The following VAT1L variants were observed in gnomAD, a reference collection of about 807,000 sequenced individuals.
VAT1L encodes the protein vesicle amine transport 1 like.
A neutral mutation model predicts 44.1 loss-of-function variants in VAT1L; 34 were observed. The ratio of observed to expected loss-of-function variants is 0.77; its 90% CI spans 0.59 to 1.03. The LOEUF is 1.03. Ranked by LOEUF, VAT1L falls within the 50% of genes least tolerant of loss-of-function variation. The pLI is 0.00. For missense variants in VAT1L, 615 were observed against 538.8 expected (o/e 1.14, Z -1.40); for synonymous variants, 253 against 202.2 (o/e 1.25, Z -2.13).
intron 7 of VAT1L, among the ~76,000 whole-genome samples, chr16:77,950,695 T>A (rs945595056): frequency 6.6e-6 from 1 of 152,204 alleles, no homozygotes; most frequent in Non-Finnish European, 1.5e-5. Flanking sequence ...TGCTCCAGTT[T>A]TTTGCTTTTA....
intron 1 of VAT1L, among the ~76,000 whole-genome samples, chr16:77,812,300 T>C (rs1484834797): frequency 6.6e-6 from 1 of 152,146 alleles, no homozygotes; most frequent in East Asian, 1.9e-4. Flanking sequence ...CTCGAACTCC[T>C]GACCTCAGGT....
intron 3 of VAT1L, among the ~76,000 whole-genome samples, chr16:77,844,234 T>A (rs900923032): frequency 2.0e-5 from 3 of 152,186 alleles, no homozygotes; most frequent in Non-Finnish European, 4.4e-5. Context: ...CTTGCATCTG[T>A]ACTAAACAGG....
intron 4 of VAT1L, among the ~76,000 whole-genome samples, chr16:77,872,279 C>T (rs565036515): frequency 1.3e-5 from 2 of 152,278 alleles, no homozygotes; most frequent in South Asian, 4.1e-4. Context: ...ATTGTGATAG[C>T]CATTCTTAGG....
At chr16:77,926,038 G>T (rs2017663133) in intron 7 of VAT1L, among the ~76,000 whole-genome samples, 2 of 148,726 alleles carry the variant, frequency 1.3e-5, no homozygotes, top group African/African-American at 5.0e-5. Context: ...CGAGGCGGGT[G>T]GGTCACGAGG....
chr16:77,831,417 T>G (rs925305026), intron 3 of VAT1L, among the ~76,000 whole-genome samples: 1 of 152,198 alleles, frequency 6.6e-6, no homozygotes, highest in Non-Finnish European at 1.5e-5. Flanking sequence ...GAATTACTCC[T>G]GGCCAAATAT....
intron 7 of VAT1L, among the ~76,000 whole-genome samples, chr16:77,931,236 T>A (rs1484687055): frequency 6.6e-6 from 1 of 152,216 alleles, no homozygotes; most frequent in East Asian, 1.9e-4. Context: ...CCTAGCTTTA[T>A]ATAAAATGAC....
intron 1 of VAT1L, among the ~76,000 whole-genome samples, chr16:77,815,788 C>G (rs12925713): frequency 1.3e-5 from 2 of 149,720 alleles, no homozygotes; most frequent in Non-Finnish European, 3.0e-5. Flanking sequence ...GCCAACATGG[C>G]GAAACCCCAT....
intron 1 of VAT1L, among the ~76,000 whole-genome samples, chr16:77,798,047 A>G (rs1316460094): frequency 6.6e-6 from 1 of 152,172 alleles, no homozygotes; most frequent in Non-Finnish European, 1.5e-5. Context: ...ATCTGTCCTC[A>G]GTCTCCTGTC....
intron 2 of VAT1L, among the ~76,000 whole-genome samples, chr16:77,823,754 C>G (rs1468726561): frequency 6.6e-6 from 1 of 152,230 alleles, no homozygotes; most frequent in Non-Finnish European, 1.5e-5. Flanking sequence ...TACAGTGGCT[C>G]ATGCCTGTAA....
chr16:77,835,446 T>C (rs879655367), intron 3 of VAT1L, among the ~76,000 whole-genome samples: 1 of 152,152 alleles, frequency 6.6e-6, no homozygotes, highest in Non-Finnish European at 1.5e-5. Context: ...CATCATCCCA[T>C]GGTCCAGCTG....
chr16:77,868,664 T>G (rs1009787906), intron 4 of VAT1L, among the ~76,000 whole-genome samples: 4 of 152,170 alleles, frequency 2.6e-5, no homozygotes, highest in African/African-American at 9.7e-5. Context: ...ACAAAGGAAG[T>G]GAGGGCGGCT....
In VAT1L at chr16:77,977,767, GCCCCAGTGAA is replaced by G; in HGVS notation, c.*74_*83del. On this transcript the variant is annotated 3_prime_UTR_variant, in exon 9 of 9. Transcript: ENST00000302536. ...GACCCGGCTGAGAAAACTCTTCTGT[GCCCCAGTGAA>G]CAAATGCTGTAGTCCAGTGCGTGTC... 1.4e-6 allele frequency: 2 copies of G among 1,429,354 alleles called. No homozygotes were observed. Among genetic ancestry groups the G allele is most frequent in the Non-Finnish European group, 1.9e-6 (2 of 1,032,628 alleles). The allele number at this position is 1,429,354 out of a possible 1,614,324, so 88.5% of individuals were successfully genotyped here.
chr16:77,865,756 G>T (rs1319820971), intron 4 of VAT1L, among the ~76,000 whole-genome samples: 1 of 152,210 alleles, frequency 6.6e-6, no homozygotes, highest in South Asian at 2.1e-4. Flanking sequence ...ATCAGGAAAA[G>T]CTTGCTGAAC....
rs1475157826 is a variant in VAT1L, at chr16:77,879,719, T to A, written c.882+495T>A. ...AGAATTTAGACTACTTTTGTCTAAATGAAACAGAGAGGTGGGAGTGTCAGA... is the reference window on the plus strand; with the variant it reads ...AGAATTTAGACTACTTTTGTCTAAAAGAAACAGAGAGGTGGGAGTGTCAGA... On this transcript the variant is annotated intron_variant, in intron 6 of 8. Coordinates refer to ENST00000302536, the MANE Select transcript of VAT1L (RefSeq NM_020927.3). This position sits in a 1 kb window ranked among gnomAD's most constrained non-coding sequence, Gnocchi z 4.1. 6.6e-6 allele frequency among the ~76,000 whole-genome samples: 1 copy of A among 152,220 alleles called. No individual in the cohort carries two copies. Among genetic ancestry groups the A allele is most frequent in the Non-Finnish European group, 1.5e-5 (1 of 68,036 alleles).
At chr16:77,962,381 T>A (rs907252145) in intron 7 of VAT1L, among the ~76,000 whole-genome samples, 1 of 152,012 alleles carries the variant, frequency 6.6e-6, no homozygotes, top group Non-Finnish European at 1.5e-5. Context: ...TCCCTTTGGC[T>A]TCAACCAAAG....
intron 3 of VAT1L, among the ~76,000 whole-genome samples, chr16:77,855,921 G>C (rs2016853918): frequency 1.3e-5 from 2 of 152,152 alleles, no homozygotes; most frequent in Admixed American, 6.5e-5. Flanking sequence ...GGGAGGCTGA[G>C]GCAGAAGAAT....
intron 7 of VAT1L, among the ~76,000 whole-genome samples, chr16:77,954,889 C>G (rs961115013): frequency 6.6e-6 from 1 of 152,160 alleles, no homozygotes; most frequent in Non-Finnish European, 1.5e-5. Context: ...TTTTTAAAAG[C>G]AACATATGCG....
chr16:77,881,163 C>A (rs2017150340), intron 6 of VAT1L, among the ~76,000 whole-genome samples: 1 of 152,292 alleles, frequency 6.6e-6, no homozygotes. Flanking sequence ...TTTTACCCCT[C>A]CCCAACAGGG....
At chr16:77,864,365 G>A (rs2016948037) in intron 4 of VAT1L, among the ~76,000 whole-genome samples, 1 of 152,188 alleles carries the variant, frequency 6.6e-6, no homozygotes, top group South Asian at 2.1e-4. Context: ...GGCCAAGGAG[G>A]GCAGATCACT....
Sources: gnomAD v4.1 joint callset for allele counts (sites outside exome capture counted in the v4.1 genomes callset) on GRCh38, gnomAD v4.1.1 for gene constraint, Gnocchi (gnomAD v3.1) non-coding constraint, MANE v1.5 for transcripts, NCBI Gene and HGNC (gene_info 2026-07-23, HGNC 2026-07-21) for gene names.